NRXN3: variants seen among roughly 807,000 people sequenced by gnomAD.
NRXN3 encodes neurexin 3.
A neutral mutation model predicts 137.6 loss-of-function variants in NRXN3; 32 were observed. The ratio of observed to expected loss-of-function variants is 0.23; its 90% CI spans 0.18 to 0.31. The LOEUF (loss-of-function observed/expected upper bound fraction) is 0.31, where lower values mean the gene tolerates loss of function less well. Among genes scored for constraint, NRXN3 ranks in the 10% least tolerant of loss-of-function variants. The pLI is 1.00. For synonymous variants in NRXN3, 798 were observed against 784.5 expected (o/e 1.02, Z -0.29); for missense variants, 1,574 against 2,062.5 (o/e 0.76, Z 4.59).
intron 16 of NRXN3, among the ~76,000 whole-genome samples, chr14:79,576,660 G>A (rs1218765760): frequency 6.6e-6 from 1 of 152,012 alleles, no homozygotes; most frequent in African/African-American, 2.4e-5. Flanking sequence ...TTGCTTCCCC[G>A]CTGACCATGG....
chr14:79,737,905 A>C (rs762808912), intron 19 of NRXN3, among the ~76,000 whole-genome samples: 1 of 152,016 alleles, frequency 6.6e-6, no homozygotes, highest in Non-Finnish European at 1.5e-5. Flanking sequence ...CAAAATCAAG[A>C]CTACTTCCAA....
intron 4 of NRXN3, among the ~76,000 whole-genome samples, chr14:78,326,324 G>A (rs2080076331): frequency 6.6e-6 from 1 of 152,172 alleles, no homozygotes; most frequent in Admixed American, 6.5e-5. Context: ...GCCTTAACAT[G>A]TGCTGAGAGG....
intron 19 of NRXN3, among the ~76,000 whole-genome samples, chr14:79,801,124 G>C (rs1317952394): frequency 6.6e-6 from 1 of 152,124 alleles, no homozygotes; most frequent in Non-Finnish European, 1.5e-5. Flanking sequence ...TAACTGCTTT[G>C]GGAGTTTCAG....
intron 4 of NRXN3, among the ~76,000 whole-genome samples, chr14:78,446,282 G>A (rs1465627328): frequency 6.6e-6 from 1 of 152,032 alleles, no homozygotes; most frequent in Admixed American, 6.5e-5. Context: ...TTGGTACCAG[G>A]TCAATGAGTT....
intron 15 of NRXN3, among the ~76,000 whole-genome samples, chr14:79,300,434 A>G (rs2084940527): frequency 6.6e-6 from 1 of 152,104 alleles, no homozygotes; most frequent in African/African-American, 2.4e-5. Context: ...ATGATCTCAC[A>G]TGAGGTCCCT....
At chr14:78,854,099 T>C (rs922461788) in intron 10 of NRXN3, among the ~76,000 whole-genome samples, 5 of 152,190 alleles carry the variant, frequency 3.3e-5, no homozygotes, top group African/African-American at 1.2e-4. Context: ...GTTGGAATAA[T>C]CCACTTAGCC....
chr14:78,282,990 C>T (rs1383285174), intron 3 of NRXN3: 1 of 152,182 alleles, frequency 6.6e-6, no homozygotes, highest in African/African-American at 2.4e-5. Context: ...AAGTTTGAGC[C>T]ACACTGAGCT....
At chr14:78,644,767 A>G (rs534426677) in intron 4 of NRXN3, among the ~76,000 whole-genome samples, 15 of 152,358 alleles carry the variant, frequency 9.8e-5, no homozygotes, top group Middle Eastern at 3.4e-3. Context: ...TTCTACAAGC[A>G]TTTAAAAGCA....
At chr14:78,792,337 A>AG (rs1491370406) in intron 8 of NRXN3, among the ~76,000 whole-genome samples, 1 of 144,688 alleles carries the variant, frequency 6.9e-6, no homozygotes, top group Non-Finnish European at 1.5e-5. Flanking sequence ...TAGTAACAAC[A>AG]GGGGGTGGAA....
chr14:78,194,588 C>A (rs4903723), intron 1 of NRXN3, among the ~76,000 whole-genome samples: 123,472 of 152,070 alleles, frequency 0.81, 50,663 homozygotes, highest in Middle Eastern at 0.89. Context: ...AAGGGAGGAC[C>A]CGCTCATCTA....
At chr14:78,541,767 G>A (rs2096591730) in intron 4 of NRXN3, among the ~76,000 whole-genome samples, 1 of 152,114 alleles carries the variant, frequency 6.6e-6, no homozygotes, top group Non-Finnish European at 1.5e-5. Flanking sequence ...CCCACCTTTG[G>A]TCTTTGATGT....
intron 17 of NRXN3, among the ~76,000 whole-genome samples, chr14:79,689,972 C>T (rs2098710136): frequency 6.6e-6 from 1 of 152,130 alleles, no homozygotes. Context: ...ATCGACTACA[C>T]CAATCTATTC....
At chr14:78,255,211 G>A (rs966571577) in intron 2 of NRXN3, among the ~76,000 whole-genome samples, 1 of 151,442 alleles carries the variant, frequency 6.6e-6, no homozygotes, top group South Asian at 2.1e-4. Context: ...ATCATTTTGT[G>A]GTTTAAAATA....
chr14:78,228,218 G>A (rs893060371), intron 1 of NRXN3, among the ~76,000 whole-genome samples: 12 of 147,994 alleles, frequency 8.1e-5, no homozygotes, highest in East Asian at 4.0e-4. Flanking sequence ...AGTGTAATGC[G>A]TGATCTCCGC....
At chr14:78,938,346 T>C (rs2099346015) in intron 10 of NRXN3, among the ~76,000 whole-genome samples, 1 of 152,198 alleles carries the variant, frequency 6.6e-6, no homozygotes, top group Admixed American at 6.5e-5. Flanking sequence ...TCACTACTTA[T>C]TGTGAGGCAT....
At chr14:79,740,065 G>A (rs1218270331) in intron 19 of NRXN3, among the ~76,000 whole-genome samples, 2 of 152,030 alleles carry the variant, frequency 1.3e-5, no homozygotes, top group Non-Finnish European at 2.9e-5. Context: ...TACTAAAACT[G>A]CCAACCTTCC....
At chr14:79,788,157 C>G (rs1355945118) in intron 19 of NRXN3, among the ~76,000 whole-genome samples, 1 of 152,118 alleles carries the variant, frequency 6.6e-6, no homozygotes, top group African/African-American at 2.4e-5. Flanking sequence ...GGGGAACTCC[C>G]CTTTATAAAA....
At chr14:79,378,720 T>C (rs1479888446) in intron 15 of NRXN3, among the ~76,000 whole-genome samples, 1 of 152,196 alleles carries the variant, frequency 6.6e-6, no homozygotes, top group East Asian at 1.9e-4. Context: ...AGCGTTGACC[T>C]TAATAAGCAT....
At chr14:78,755,264 C>T (rs2098662996) in intron 8 of NRXN3, among the ~76,000 whole-genome samples, 1 of 150,724 alleles carries the variant, frequency 6.6e-6, no homozygotes, top group Admixed American at 6.6e-5. Context: ...TAGCCTCAAG[C>T]AATTCTCCCA....
Sources: allele counts gnomAD v4.1 joint callset (sites outside exome capture counted in the v4.1 genomes callset), GRCh38; gene constraint gnomAD v4.1.1; transcripts MANE v1.5; gene names NCBI Gene and HGNC (gene_info 2026-07-23, HGNC 2026-07-21).